Variants in BPIFB4 observed in about 807,000 individuals in gnomAD.
BPIFB4 encodes BPI fold containing family B member 4.
A neutral mutation model predicts 69.2 loss-of-function variants in BPIFB4; 62 were observed. The observed-to-expected ratio is 0.90, with a 90% CI of 0.73 to 1.11. The LOEUF is 1.11. Ranked by LOEUF, BPIFB4 falls within the 50% of genes least tolerant of loss-of-function variation. The pLI, the probability that BPIFB4 is intolerant of heterozygous loss-of-function variation, is 0.00. For missense variants in BPIFB4, 789 were observed against 792.0 expected, an observed-to-expected ratio of 1.00 and a Z score of 0.04; for synonymous variants, 330 against 332.7, an observed-to-expected ratio of 0.99 and a Z score of 0.09.
At chr20:33,087,870 A>G (rs1030968031) in intron 7 of BPIFB4, among the ~76,000 whole-genome samples, 1 of 152,174 alleles carries the variant, frequency 6.6e-6, no homozygotes, top group Non-Finnish European at 1.5e-5. Context: ...CGAAATGCAT[A>G]GTTAGCTTTG....
intron 4 of BPIFB4, 142 bp from the exon 5 acceptor site, chr20:33,083,225 A>C (rs1600551963): frequency 4.8e-5 from 18 of 377,922 alleles, no homozygotes; most frequent in South Asian, 4.0e-4. Flanking sequence ...GCTGGGTGGC[A>C]GTGGTGGGGG....
At chr20:33,082,893 GA>G (rs1981276385) in intron 3 of BPIFB4, 44 bp from the exon 4 acceptor site, 3 of 1,574,056 alleles carry the variant, frequency 1.9e-6, no homozygotes, top group Non-Finnish European at 2.6e-6. Flanking sequence ...GCTGGAGGTG[GA>G]AAAAAGGGAG....
intron 13 of BPIFB4, among the ~76,000 whole-genome samples, chr20:33,098,389 G>T (rs893179458): frequency 2.0e-5 from 3 of 152,124 alleles, no homozygotes; most frequent in Non-Finnish European, 2.9e-5. Flanking sequence ...CTGGTACCTA[G>T]CAGGGGACAG....
intron 16 of BPIFB4, among the ~76,000 whole-genome samples, chr20:33,106,831 C>T (rs376416226): frequency 7.2e-5 from 11 of 152,096 alleles, no homozygotes; most frequent in African/African-American, 2.7e-4. Context: ...AGAGAGGGCT[C>T]AGAACTCACC....
intron 7 of BPIFB4, 30 bp downstream of exon 7, chr20:33,086,194 G>A (rs373318056): frequency 1.9e-6 from 3 of 1,590,694 alleles, no homozygotes; most frequent in Non-Finnish European, 2.6e-6. Flanking sequence ...GGAGTGCCTT[G>A]GGGGTTGCTG....
intron 16 of BPIFB4, 121 bp from the exon 17 acceptor site, chr20:33,107,623 G>T (rs1179371444): frequency 4.2e-6 from 3 of 707,986 alleles, no homozygotes; most frequent in African/African-American, 3.5e-5. Context: ...GCAACAGAGC[G>T]AGACTCTGTC....
At chr20:33,106,962 T>A (rs999513426) in intron 16 of BPIFB4, among the ~76,000 whole-genome samples, 10 of 152,026 alleles carry the variant, frequency 6.6e-5, no homozygotes, top group Non-Finnish European at 1.2e-4. Flanking sequence ...TCCCAACACT[T>A]TGGGAGGCCA....
intron 16 of BPIFB4, among the ~76,000 whole-genome samples, chr20:33,107,025 GA>G (rs1166788739): frequency 6.6e-6 from 1 of 152,090 alleles, no homozygotes; most frequent in African/African-American, 2.4e-5. Flanking sequence ...CCAATATGGT[GA>G]AACCCCATCT....
At chr20:33,090,204 T>A (rs543278904) in intron 9 of BPIFB4, among the ~76,000 whole-genome samples, 1 of 152,366 alleles carries the variant, frequency 6.6e-6, no homozygotes, top group Admixed American at 6.5e-5. Flanking sequence ...CTGATAGTGT[T>A]CCCATTTCTC....
chr20:33,097,562 CT>C, intron 12 of BPIFB4, 54 bp from the exon 13 acceptor site: 1 of 1,552,996 alleles, frequency 6.4e-7, no homozygotes. Context: ...TGATAACCCC[CT>C]GGGTACCTCC....
At chr20:33,101,505 C>T (rs1000862736) in intron 14 of BPIFB4, among the ~76,000 whole-genome samples, 3 of 152,126 alleles carry the variant, frequency 2.0e-5, no homozygotes, top group African/African-American at 7.2e-5. Flanking sequence ...GGATGCTTTC[C>T]GTGTGCCAGG....
chr20:33,082,779 G>A (rs1981272239), intron 3 of BPIFB4, among the ~76,000 whole-genome samples, 159 bp from the exon 4 acceptor site: 1 of 152,130 alleles, frequency 6.6e-6, no homozygotes, highest in Non-Finnish European at 1.5e-5. Context: ...AGGATGCCAG[G>A]GCTAGATCAG....
rs1203825614 is a variant in BPIFB4, at chr20:33,097,794, G to T, written c.1569+7G>T. On this transcript the variant is annotated splice_region_variant and intron_variant, in intron 13 of 17. Transcript: ENST00000375483. ...CATCTGCCTCATTGACGTGGTGAGTGTCTGGAGGTACTGGTGGCCTCCAGC... is the reference window on the plus strand; with the variant it reads ...CATCTGCCTCATTGACGTGGTGAGTTTCTGGAGGTACTGGTGGCCTCCAGC... 6.2e-7 allele frequency: 1 copy of T among 1,606,786 alleles called. No individual in the cohort carries two copies.
intron 14 of BPIFB4, among the ~76,000 whole-genome samples, chr20:33,102,603 T>C (rs1046163486): frequency 1.3e-5 from 2 of 152,242 alleles, no homozygotes; most frequent in African/African-American, 4.8e-5. Context: ...TGATCACTCA[T>C]GCACCTATGG....
At chr20:33,089,729 AC>A (rs11415806) in intron 9 of BPIFB4, among the ~76,000 whole-genome samples, 171 bp downstream of exon 9, 52,648 of 151,214 alleles carry the variant, frequency 0.35, 9,363 homozygotes, top group Middle Eastern at 0.4. Flanking sequence ...GCTCCCAAAC[AC>A]CCCCCCCGAG....
At position 33,086,115 on chromosome 20, in the gene BPIFB4, G is replaced by T; in HGVS notation, c.877G>T (p.Glu293Ter). ...CACGGGTTATCCTCGGCTGGTCATT[G>T]AGCGATGTGACACCCTCCTAGGGGG... ...DRTGYPRLVI[E>*]RCDTLLGGIK... The change falls in exon 7 of 18, where the codon GAG becomes TAG. Residue 293 changes from glutamate (E) to a stop codon, truncating the protein, a stop_gained. Transcript: ENST00000375483. LOFTEE classifies it high-confidence loss of function. 1.2e-6 allele frequency: 2 copies of T among 1,613,388 alleles called. No homozygotes were observed. Among genetic ancestry groups the T allele is most frequent in the South Asian group, 2.2e-5 (2 of 91,064 alleles).
chr20:33,105,420 C>G (rs894709086), intron 16 of BPIFB4, among the ~76,000 whole-genome samples: 25 of 152,122 alleles, frequency 1.6e-4, no homozygotes, highest in African/African-American at 5.8e-4. Context: ...ATCTGCCCCC[C>G]TAGGGAACCA....
intron 11 of BPIFB4, among the ~76,000 whole-genome samples, chr20:33,094,196 A>G (rs1015235106): frequency 6.6e-6 from 1 of 152,216 alleles, no homozygotes; most frequent in Non-Finnish European, 1.5e-5. Context: ...CTAAGAGAGA[A>G]CAGAGCTCAT....
In BPIFB4 at chr20:33,086,114, T is replaced by A; in HGVS notation, c.876T>A (p.Ile292=). 1.9e-6 allele frequency: 3 copies of A among 1,613,414 alleles called. No homozygotes were observed. Among genetic ancestry groups the A allele is most frequent in the Non-Finnish European group, 2.5e-6 (3 of 1,179,394 alleles). ...GCACGGGTTATCCTCGGCTGGTCAT[T>A]GAGCGATGTGACACCCTCCTAGGGG... ...MDRTGYPRLV[I]ERCDTLLGGI... The change falls in exon 7 of 18, where the codon ATT becomes ATA. Residue 292 remains isoleucine (I), a synonymous_variant. Coordinates refer to ENST00000375483, the MANE Select transcript of BPIFB4 (RefSeq NM_182519.3).
Sources: gnomAD v4.1 joint callset for allele counts (sites outside exome capture counted in the v4.1 genomes callset) on GRCh38, gnomAD v4.1.1 for gene constraint, MANE v1.5 for transcripts, NCBI Gene and HGNC (gene_info 2026-07-23, HGNC 2026-07-21) for gene names.